UST: variants seen among roughly 807,000 people sequenced by gnomAD.
UST encodes the protein uronyl 2-sulfotransferase.
A neutral mutation model predicts 45.6 loss-of-function variants in UST; 21 were observed. The ratio of observed to expected loss-of-function variants is 0.46; its 90% CI spans 0.33 to 0.66. The LOEUF is 0.66. Ranked by LOEUF, UST falls within the 30% of genes least tolerant of loss-of-function variation. The pLI, the probability that UST is intolerant of heterozygous loss-of-function variation, is 0.02. For missense variants in UST, 463 were observed against 512.4 expected, an observed-to-expected ratio of 0.90 and a Z score of 0.93; for synonymous variants, 215 against 200.6, an observed-to-expected ratio of 1.07 and a Z score of -0.61.
intron 1 of UST, among the ~76,000 whole-genome samples, chr6:148,878,532 G>A (rs1778757665): frequency 8.1e-6 from 1 of 123,992 alleles, no homozygotes; most frequent in Non-Finnish European, 1.7e-5. Flanking sequence ...TATGAGTGCG[G>A]GGGGTCATGT....
chr6:149,062,732 G>A (rs1431626863), intron 7 of UST, among the ~76,000 whole-genome samples: 4 of 152,236 alleles, frequency 2.6e-5, no homozygotes, highest in Admixed American at 6.5e-5. Flanking sequence ...GAATCAGAAA[G>A]CCCACTTTCC....
At chr6:148,913,797 C>T (rs35222034) in intron 2 of UST, among the ~76,000 whole-genome samples, 16,413 of 152,066 alleles carry the variant, frequency 0.11, 1,076 homozygotes, top group Non-Finnish European at 0.15. Flanking sequence ...GTTTTATTGA[C>T]TATTGTCTTT....
rs1350594428 is a variant in UST, at chr6:148,934,019, AC to A, written c.292-7259del. Reference sequence around the variant, plus strand: ...GGAAACACGGTAAAATCTAGTTTTAACTTTTAAGGCGTTTTCCAGATTATAT... The same window carrying A: ...GGAAACACGGTAAAATCTAGTTTTAATTTTAAGGCGTTTTCCAGATTATAT... On this transcript the variant is annotated intron_variant, in intron 2 of 7. Transcript: ENST00000367463. The surrounding 1 kb of genome is among the most constrained non-coding windows in gnomAD (Gnocchi z 4.1). 6.6e-6 allele frequency among the ~76,000 whole-genome samples: 1 copy of A among 152,238 alleles called. No homozygotes were observed. Among genetic ancestry groups the A allele is most frequent in the African/African-American group, 2.4e-5 (1 of 41,464 alleles).
At chr6:148,843,250 A>G (rs866385061) in intron 1 of UST, among the ~76,000 whole-genome samples, 2 of 152,254 alleles carry the variant, frequency 1.3e-5, no homozygotes, top group Admixed American at 1.3e-4. Flanking sequence ...GCCCAGGCCA[A>G]TGTCACTTAT....
intron 1 of UST, among the ~76,000 whole-genome samples, chr6:148,751,384 C>T (rs756203298): frequency 6.6e-6 from 1 of 152,086 alleles, no homozygotes; most frequent in African/African-American, 2.4e-5. Flanking sequence ...AGAGGTGTGA[C>T]GTGAGGAGTA....
chr6:149,039,306 A>C (rs1414518241), intron 7 of UST, among the ~76,000 whole-genome samples: 1 of 152,134 alleles, frequency 6.6e-6, no homozygotes, highest in Non-Finnish European at 1.5e-5. Flanking sequence ...GACTCACCGC[A>C]ACCTTCGCCT....
At chr6:148,947,627 A>ACAG (rs1349811582) in intron 3 of UST, among the ~76,000 whole-genome samples, 5 of 152,224 alleles carry the variant, frequency 3.3e-5, no homozygotes. Context: ...TGCGTCCCTG[A>ACAG]AGATTTATGA....
intron 7 of UST, among the ~76,000 whole-genome samples, chr6:149,062,675 A>G (rs1172273065): frequency 6.6e-6 from 1 of 152,202 alleles, no homozygotes; most frequent in Non-Finnish European, 1.5e-5. Context: ...TTTCCACTCA[A>G]TTTGGAAATT....
chr6:148,759,945 C>T (rs1281890827), intron 1 of UST, among the ~76,000 whole-genome samples: 1 of 150,696 alleles, frequency 6.6e-6, no homozygotes, highest in East Asian at 1.9e-4. Flanking sequence ...TGAAGTAGAT[C>T]GTTCTAAGAT....
intron 7 of UST, among the ~76,000 whole-genome samples, chr6:149,072,645 C>T (rs1325389948): frequency 9.4e-6 from 1 of 106,178 alleles, no homozygotes; most frequent in Non-Finnish European, 2.0e-5. Flanking sequence ...AAGAGCAAAA[C>T]TCCATCTCAA....
chr6:148,807,792 G>T (rs1777178283), intron 1 of UST, among the ~76,000 whole-genome samples: 1 of 152,268 alleles, frequency 6.6e-6, no homozygotes, highest in East Asian at 1.9e-4. Context: ...ATCTGAAAGG[G>T]ATTGCAGAAT....
At chr6:148,875,759 G>C (rs1353248669) in intron 1 of UST, among the ~76,000 whole-genome samples, 2 of 152,196 alleles carry the variant, frequency 1.3e-5, no homozygotes, top group East Asian at 3.9e-4. Context: ...AGCCGAGATC[G>C]CACCACTGCG....
At chr6:148,918,929 G>A (rs1455661961) in intron 2 of UST, among the ~76,000 whole-genome samples, 1 of 152,152 alleles carries the variant, frequency 6.6e-6, no homozygotes, top group African/African-American at 2.4e-5. Flanking sequence ...GTATAAATAT[G>A]TATCTTTAAT....
chr6:149,005,584 A>G (rs1225489995), intron 5 of UST: 3 of 985,322 alleles, frequency 3.0e-6, no homozygotes, highest in Non-Finnish European at 2.4e-6. Flanking sequence ...ATTGGTACTC[A>G]GTAAAGGTTA....
At chr6:148,938,033 C>T (rs1780054533) in intron 2 of UST, among the ~76,000 whole-genome samples, 1 of 152,200 alleles carries the variant, frequency 6.6e-6, no homozygotes, top group South Asian at 2.1e-4. Context: ...TGCCAATGAA[C>T]AGGCTTTTGA....
chr6:148,956,081 T>C (rs141001749), intron 4 of UST: 15 of 152,372 alleles, frequency 9.8e-5, no homozygotes, highest in African/African-American at 3.6e-4. Flanking sequence ...GTGTCAGAAC[T>C]GGCCTCCCAA....
rs377517899 is a variant in UST, at chr6:148,891,906, T to G, written c.291+4877T>G. ...GTAACCTTTGTATACTTAGCTACCT[T>G]CAGCACCTGAACGTTTTCAAACTGT... is the stretch of plus-strand genomic sequence containing the variant. On this transcript the variant is annotated intron_variant, in intron 2 of 7. Transcript: ENST00000367463. Among the ~76,000 whole-genome samples the G allele has an allele frequency of 8.5e-5, 13 of 152,224 alleles. 1 individual carries two copies. Among genetic ancestry groups the G allele is most frequent in the East Asian group, 5.8e-4 (3 of 5,204 alleles).
intron 2 of UST, among the ~76,000 whole-genome samples, chr6:148,896,489 T>C (rs954120308): frequency 6.6e-6 from 1 of 152,236 alleles, no homozygotes; most frequent in Non-Finnish European, 1.5e-5. Flanking sequence ...CATTGTTCTG[T>C]AAAGAACATG....
At chr6:149,003,162 A>G (rs535060619) in intron 5 of UST, among the ~76,000 whole-genome samples, 9 of 152,344 alleles carry the variant, frequency 5.9e-5, no homozygotes, top group African/African-American at 1.7e-4. Flanking sequence ...TGATAGAACT[A>G]TGGCCAATGG....
Sources: allele counts gnomAD v4.1 joint callset (sites outside exome capture counted in the v4.1 genomes callset), GRCh38; gene constraint gnomAD v4.1.1; non-coding constraint Gnocchi (gnomAD v3.1); transcripts MANE v1.5; gene names NCBI Gene and HGNC (gene_info 2026-07-23, HGNC 2026-07-21).